Variants in CTPS2 observed in about 807,000 individuals in gnomAD.
CTPS2 encodes CTP synthase 2.
A neutral mutation model predicts 46.8 loss-of-function variants in CTPS2; 19 were observed. The observed-to-expected ratio is 0.41, with a 90% confidence interval of 0.28 to 0.60. The LOEUF is 0.60. Ranked by LOEUF, CTPS2 falls within the 20% of genes least tolerant of loss-of-function variation. CTPS2 has a pLI of 0.35. For missense variants in CTPS2, 286 were observed against 447.6 expected (o/e 0.64, Z 3.26); for synonymous variants, 151 against 165.2 (o/e 0.91, Z 0.66).
intron 10 of CTPS2, among the ~76,000 whole-genome samples, chrX:16,671,187 T>A: frequency 8.9e-6 from 1 of 111,872 alleles, no homozygotes; most frequent in Non-Finnish European, 1.9e-5. Flanking sequence ...AGGAGGATCA[T>A]GCTAACCTCA....
intron 8 of CTPS2, among the ~76,000 whole-genome samples, chrX:16,688,149 G>C (rs1311182074): frequency 1.8e-5 from 2 of 111,629 alleles, no homozygotes; most frequent in Admixed American, 1.9e-4. Flanking sequence ...TGTAACCCCA[G>C]CACTTTGGGA....
chrX:16,592,034 A>G (rs1427786742), intron 17 of CTPS2, among the ~76,000 whole-genome samples: 1 of 111,207 alleles, frequency 9.0e-6, no homozygotes, highest in Non-Finnish European at 1.9e-5. Flanking sequence ...GAAGGTTCCC[A>G]TAATACTTAC....
At chrX:16,613,618 T>C (rs1350342758) in intron 16 of CTPS2, among the ~76,000 whole-genome samples, 3 of 108,935 alleles carry the variant, frequency 2.8e-5, no homozygotes, top group Admixed American at 9.8e-5. Flanking sequence ...TTTTTTAAGA[T>C]AGGGTCTTGT....
At chrX:16,674,648 C>CAATA (rs1280056154) in intron 10 of CTPS2, among the ~76,000 whole-genome samples, 1 of 104,401 alleles carries the variant, frequency 9.6e-6, no homozygotes, top group Non-Finnish European at 2.0e-5. Context: ...ACCATCCTGG[C>CAATA]TAACACGGTG....
At chrX:16,695,280 T>TG (rs1413979631) in intron 4 of CTPS2, among the ~76,000 whole-genome samples, 1 of 111,031 alleles carries the variant, frequency 9.0e-6, no homozygotes, top group Non-Finnish European at 1.9e-5. Flanking sequence ...TGCCCTCACG[T>TG]GGTCAGCAGC....
chrX:16,647,766 G>C (rs1932396949), intron 13 of CTPS2, among the ~76,000 whole-genome samples: 1 of 111,281 alleles, frequency 9.0e-6, no homozygotes, highest in African/African-American at 3.3e-5. Flanking sequence ...ATGACATATA[G>C]TTATTAAAAT....
chrX:16,671,473 C>T (rs1446088861), intron 10 of CTPS2, among the ~76,000 whole-genome samples: 1 of 103,633 alleles, frequency 9.6e-6, no homozygotes, highest in African/African-American at 3.5e-5. Context: ...AGGGACAATA[C>T]TGAGTACGTG....
chrX:16,671,446 T>C (rs1020288243), intron 10 of CTPS2, among the ~76,000 whole-genome samples: 6 of 108,988 alleles, frequency 5.5e-5, no homozygotes, highest in African/African-American at 1.7e-4. Flanking sequence ...TGGTAACATC[T>C]TTCTAGCGAC....
At position 16,699,079 on chromosome X, in the gene CTPS2, A is replaced by G; in HGVS notation, c.181T>C (p.Leu61=). ...AAATCAACTTCTCCACCATCATTTA[A>G]GACGAAGACTTCACCTAGGATTAAA... is the stretch of plus-strand genomic sequence containing the variant. The part of the protein sequence containing the change: ...SPYEHGEVFV[L]NDGGEVDLDL... Residue 61 remains leucine (L), a synonymous_variant, in exon 3 of 19, where the codon TTA becomes CTA. Coordinates refer to ENST00000359276, the MANE Select transcript of CTPS2 (RefSeq NM_175859.3). The G allele has an allele frequency of 8.7e-7, 1 of 1,155,947 alleles. No individual in the cohort carries two copies. The highest frequency in any genetic ancestry group is 2.1e-5 in the South Asian group (1 of 47,196).
chrX:16,680,984 G>A (rs1348572992), intron 9 of CTPS2, among the ~76,000 whole-genome samples: 1 of 111,675 alleles, frequency 9.0e-6, no homozygotes, highest in East Asian at 2.8e-4. Context: ...TCAGGAGTTC[G>A]AGACCAGCCT....
intron 16 of CTPS2, 132 bp from the exon 17 acceptor site, chrX:16,609,817 G>A (rs1404889106): frequency 4.6e-6 from 3 of 651,500 alleles, no homozygotes; most frequent in East Asian, 7.6e-5. Flanking sequence ...ATTACAGCCA[G>A]TTACTTTCAC....
At chrX:16,637,756 T>C (rs1931829900) in intron 14 of CTPS2, among the ~76,000 whole-genome samples, 2 of 112,049 alleles carry the variant, frequency 1.8e-5, no homozygotes, top group South Asian at 7.3e-4. Flanking sequence ...TCTTATATAG[T>C]ATGTGTAAGG....
intron 17 of CTPS2, among the ~76,000 whole-genome samples, chrX:16,597,334 G>A (rs1418018614): frequency 1.7e-4 from 19 of 111,797 alleles, no homozygotes; most frequent in South Asian, 7.4e-4. Flanking sequence ...TAGGTCTAAC[G>A]TTTAAGTCTT....
chrX:16,624,079 C>T (rs930807474), intron 14 of CTPS2, among the ~76,000 whole-genome samples: 3 of 109,982 alleles, frequency 2.7e-5, no homozygotes, highest in Non-Finnish European at 5.7e-5. Context: ...GCGTGAGCCA[C>T]CGCGCCTGGC....
At chrX:16,665,785 C>A (rs893951416) in intron 13 of CTPS2, among the ~76,000 whole-genome samples, 1 of 112,398 alleles carries the variant, frequency 8.9e-6, no homozygotes, top group Admixed American at 9.4e-5. Context: ...AAGTCTCACT[C>A]TGTTGCCCAG....
At chrX:16,657,185 C>G (rs1471747957) in intron 13 of CTPS2, among the ~76,000 whole-genome samples, 1 of 100,103 alleles carries the variant, frequency 1.0e-5, no homozygotes, top group Non-Finnish European at 2.0e-5. Flanking sequence ...CCACCATGCC[C>G]GGCCTTTTTT....
intron 6 of CTPS2, among the ~76,000 whole-genome samples, chrX:16,692,005 A>C (rs746682948): frequency 8.9e-6 from 1 of 111,813 alleles, no homozygotes; most frequent in South Asian, 3.7e-4. Context: ...GCTACAGACA[A>C]TATGTAAATG....
chrX:16,691,448 C>T (rs191939854), intron 7 of CTPS2, 92 bp downstream of exon 7: 10 of 735,899 alleles, frequency 1.4e-5, no homozygotes, highest in East Asian at 3.2e-5. Flanking sequence ...GCATAAATGC[C>T]GTGAAAAGTA....
At position 16,620,315 on chromosome X, in the gene CTPS2, C is replaced by T. The variant is rs1247194991; in HGVS notation, c.1411G>A (p.Val471Ile). Residue 471 changes from valine to isoleucine, a missense_variant, in exon 15 of 19, where the codon GTT becomes ATT. Val to Ile is a conservative substitution (Grantham distance 29, BLOSUM62 3). Transcript: ENST00000359276. ...NSILRKLYGD[V>I]PFIEERHRHR... ...CTGTGTCTTTCTTCTATAAAAGGAA[C>T]ATCACCATAAAGTTTCCCTGTAAAG... is the stretch of plus-strand genomic sequence containing the variant. The T allele has an allele frequency of 8.3e-7, 1 of 1,200,962 alleles. No homozygotes were observed.
Sources: allele counts gnomAD v4.1 joint callset (sites outside exome capture counted in the v4.1 genomes callset), GRCh38; gene constraint gnomAD v4.1.1; transcripts MANE v1.5; gene names NCBI Gene and HGNC (gene_info 2026-07-23, HGNC 2026-07-21).